SLIT3: variants seen among roughly 807,000 people sequenced by gnomAD.
SLIT3 encodes the protein slit guidance ligand 3.
In SLIT3, 68 loss-of-function variants were observed where a neutral mutation model predicts 184.0. The observed-to-expected ratio is 0.37, with a 90% CI of 0.30 to 0.45. The LOEUF (loss-of-function observed/expected upper bound fraction) is 0.45. SLIT3 is among the 20% of genes least tolerant of loss of function. SLIT3 has a pLI of 1.00. For missense variants in SLIT3, 1,707 were observed against 2,026.0 expected (o/e 0.84, Z 3.02); for synonymous variants, 831 against 828.6 (o/e 1.00, Z -0.05).
chr5:169,174,154 G>C (rs973615522), intron 4 of SLIT3, among the ~76,000 whole-genome samples: 14 of 152,204 alleles, frequency 9.2e-5, no homozygotes, highest in African/African-American at 3.4e-4. Flanking sequence ...AAGACCTAGT[G>C]GGCTCTGAGC....
At position 168,762,630 on chromosome 5, in the gene SLIT3, C is replaced by T. The variant is rs138617707; in HGVS notation, c.1519G>A (p.Glu507Lys). Residue 507 changes from glutamate (E) to lysine (K), a missense_variant, in exon 15 of 36, where the codon GAG becomes AAG. Glu to Lys is a moderately conservative substitution (Grantham distance 56, BLOSUM62 1). Coordinates refer to ENST00000519560, the MANE Select transcript of SLIT3 (RefSeq NM_003062.4). Reference protein sequence around the residue: ...SECFMDLVCPEKCRCEGTIVD... With the variant: ...SECFMDLVCPKKCRCEGTIVD... Reference sequence around the variant, plus strand: ...ATCGTGCCCTCACAGCGACACTTCTCGGGGCACACGAGGTCCATGAAGCAC... The same window carrying T: ...ATCGTGCCCTCACAGCGACACTTCTTGGGGCACACGAGGTCCATGAAGCAC... 49 of 1,614,116 alleles carry T rather than the reference C, an allele frequency of 3.0e-5. No homozygotes were observed. Among genetic ancestry groups the T allele is most frequent in the African/African-American group, 2.8e-4 (21 of 75,008 alleles).
chr5:168,727,840 G>C (rs1763179696), intron 20 of SLIT3, among the ~76,000 whole-genome samples: 1 of 152,208 alleles, frequency 6.6e-6, no homozygotes, highest in Non-Finnish European at 1.5e-5. Context: ...GCAGGCTGAA[G>C]AAGGGGAGGA....
rs2277933 is a variant in SLIT3, at chr5:168,671,230, A to G, written c.4095T>C (p.Asp1365=). 0.25 allele frequency: 409,516 copies of G among 1,611,118 alleles called. 55,305 individuals are homozygous for G. Among genetic ancestry groups the G allele is most frequent in the African/African-American group, 0.44 (32,764 of 74,910 alleles). ...CRPGWTGPLC[D]QEARDPCLGH... ...CGAGGCAGGGGTCCCGGGCCTCCTG[A>G]TCGCAGAGTGGGCCGGTCCAGCCTG... Residue 1365 remains aspartate (D), a synonymous_variant, in exon 34 of 36, where the codon GAT becomes GAC. Coordinates refer to ENST00000519560, the MANE Select transcript of SLIT3 (RefSeq NM_003062.4).
At chr5:169,063,286 C>T (rs1249534201) in intron 4 of SLIT3, among the ~76,000 whole-genome samples, 2 of 152,200 alleles carry the variant, frequency 1.3e-5, no homozygotes, top group Non-Finnish European at 2.9e-5. Context: ...GCTTTGATTG[C>T]TTCTTACAGG....
intron 1 of SLIT3, among the ~76,000 whole-genome samples, chr5:169,258,772 A>G (rs868765410): frequency 2.0e-5 from 3 of 152,234 alleles, no homozygotes; most frequent in Admixed American, 1.3e-4. Flanking sequence ...TGGCACATGT[A>G]TATCCATACC....
At chr5:168,794,208 A>G (rs1333447073) in intron 10 of SLIT3, among the ~76,000 whole-genome samples, 2 of 152,152 alleles carry the variant, frequency 1.3e-5, no homozygotes, top group Non-Finnish European at 2.9e-5. Context: ...GTCCATGCAT[A>G]TTTCTACCTG....
At chr5:168,844,002 C>T (rs568548109) in intron 6 of SLIT3, among the ~76,000 whole-genome samples, 1 of 149,998 alleles carries the variant, frequency 6.7e-6, no homozygotes, top group Admixed American at 6.6e-5. Flanking sequence ...ACCCCTGGCC[C>T]CTTTAAGGTC....
chr5:169,223,553 T>A (rs1393161596), intron 3 of SLIT3, among the ~76,000 whole-genome samples: 1 of 152,186 alleles, frequency 6.6e-6, no homozygotes, highest in Non-Finnish European at 1.5e-5. Context: ...TGTTCAGGCC[T>A]CTATACTGCA....
At chr5:169,219,945 C>T (rs533668071) in intron 3 of SLIT3, among the ~76,000 whole-genome samples, 3 of 152,164 alleles carry the variant, frequency 2.0e-5, no homozygotes, top group Non-Finnish European at 4.4e-5. Flanking sequence ...GACACAGATG[C>T]AGAATCAGAC....
chr5:169,093,180 T>C (rs1759652390), intron 4 of SLIT3, among the ~76,000 whole-genome samples: 1 of 152,168 alleles, frequency 6.6e-6, no homozygotes, highest in African/African-American at 2.4e-5. Context: ...GTGAGGTAAG[T>C]ATTATCAAGA....
chr5:168,910,599 A>G (rs898790395), intron 4 of SLIT3, among the ~76,000 whole-genome samples: 1 of 151,990 alleles, frequency 6.6e-6, no homozygotes, highest in Non-Finnish European at 1.5e-5. Context: ...AAAAAAAATT[A>G]GCCGCGTGTG....
chr5:169,155,306 C>T (rs962556589), intron 4 of SLIT3, among the ~76,000 whole-genome samples: 1 of 152,222 alleles, frequency 6.6e-6, no homozygotes, highest in African/African-American at 2.4e-5. Context: ...ACTGTTCCAA[C>T]CACCGTCAAC....
chr5:169,028,557 T>A (rs1453838598), intron 4 of SLIT3, among the ~76,000 whole-genome samples: 3 of 152,274 alleles, frequency 2.0e-5, no homozygotes, highest in Non-Finnish European at 4.4e-5. Flanking sequence ...TGGCACTTAA[T>A]AAATGCTATA....
chr5:169,160,063 T>C (rs1312281126), intron 4 of SLIT3, among the ~76,000 whole-genome samples: 1 of 152,234 alleles, frequency 6.6e-6, no homozygotes, highest in Non-Finnish European at 1.5e-5. Context: ...TTCCTAATTG[T>C]AGATTCATAA....
rs371088418 is a variant in SLIT3, at chr5:169,069,868, A to G, written c.413+123611T>C. 3.4e-4 allele frequency among the ~76,000 whole-genome samples: 52 copies of G among 152,292 alleles called. 1 individual carries two copies. The highest frequency in any genetic ancestry group is 3.1e-3 in the East Asian group (16 of 5,172). On this transcript the variant is annotated intron_variant, in intron 4 of 35. Coordinates refer to ENST00000519560, the MANE Select transcript of SLIT3 (RefSeq NM_003062.4). ...ACCAGACCACAGAGGAACACATGCA[A>G]TGATGAGAGTCTGGGTAGTGGGGAA...
intron 4 of SLIT3, among the ~76,000 whole-genome samples, chr5:168,916,292 C>T (rs1351080451): frequency 2.0e-5 from 3 of 152,230 alleles, no homozygotes; most frequent in African/African-American, 7.2e-5. Context: ...GAGACACACA[C>T]AGAGCAAGCA....
intron 4 of SLIT3, among the ~76,000 whole-genome samples, chr5:168,989,229 G>T (rs968512175): frequency 6.6e-6 from 1 of 152,080 alleles, no homozygotes; most frequent in Admixed American, 6.5e-5. Context: ...TTTTGTTTTC[G>T]GTTAGGAATT....
chr5:168,805,865 G>A (rs1290155722), intron 9 of SLIT3, among the ~76,000 whole-genome samples: 1 of 152,228 alleles, frequency 6.6e-6, no homozygotes, highest in Non-Finnish European at 1.5e-5. Flanking sequence ...AGGACTGTAT[G>A]AAGGGCTCCA....
intron 29 of SLIT3, among the ~76,000 whole-genome samples, chr5:168,690,239 C>T (rs572244616): frequency 3.2e-4 from 48 of 151,836 alleles, no homozygotes; most frequent in Non-Finnish European, 6.5e-4. Flanking sequence ...TGGGTTCAAG[C>T]GATTCTCCTG....
Sources: allele counts gnomAD v4.1 joint callset (sites outside exome capture counted in the v4.1 genomes callset), GRCh38; gene constraint gnomAD v4.1.1; transcripts MANE v1.5; gene names NCBI Gene and HGNC (gene_info 2026-07-23, HGNC 2026-07-21).